The following EIF2AK4 variants were observed in gnomAD, a reference collection of about 807,000 sequenced individuals.
EIF2AK4 encodes eukaryotic translation initiation factor 2 alpha kinase 4.
EIF2AK4 carries 139 observed loss-of-function variants against 211.1 expected under a neutral mutation model. The ratio of observed to expected loss-of-function variants is 0.66; its 90% CI spans 0.57 to 0.76. The LOEUF is 0.76. Ranked by LOEUF, EIF2AK4 falls within the 30% of genes least tolerant of loss-of-function variation. The probability of loss-of-function intolerance (pLI) is 0.00; values close to 1 mark genes in which losing one functional copy is unlikely to be tolerated. For synonymous variants in EIF2AK4, 710 were observed against 751.3 expected, an observed-to-expected ratio of 0.94 and a Z score of 0.90; for missense variants, 1,664 against 2,043.8, an observed-to-expected ratio of 0.81 and a Z score of 3.58.
At chr15:39,989,007 G>C (rs1482088582) in intron 15 of EIF2AK4, among the ~76,000 whole-genome samples, 1 of 151,974 alleles carries the variant, frequency 6.6e-6, no homozygotes, top group Non-Finnish European at 1.5e-5. Flanking sequence ...TCTGAAAAAA[G>C]AGAAAAAAAG....
chr15:39,993,504 T>G (rs1382534386), intron 18 of EIF2AK4, among the ~76,000 whole-genome samples: 2 of 152,086 alleles, frequency 1.3e-5, no homozygotes, highest in Admixed American at 1.3e-4. Flanking sequence ...CACACAGATT[T>G]GGGGGCTGAC....
intron 26 of EIF2AK4, among the ~76,000 whole-genome samples, chr15:40,010,076 G>A (rs746913078): frequency 6.6e-6 from 1 of 152,164 alleles, no homozygotes; most frequent in Non-Finnish European, 1.5e-5. Flanking sequence ...CTAAGTAATT[G>A]GTCCTGATAC....
At chr15:39,989,291 T>C (rs891841841) in intron 15 of EIF2AK4, among the ~76,000 whole-genome samples, 6 of 152,246 alleles carry the variant, frequency 3.9e-5, no homozygotes, top group Non-Finnish European at 7.3e-5. Flanking sequence ...TATAAATTCA[T>C]TATTTTTTTC....
At chr15:39,935,061 A>T (rs1466677573) in intron 1 of EIF2AK4, among the ~76,000 whole-genome samples, 1 of 152,190 alleles carries the variant, frequency 6.6e-6, no homozygotes, top group Non-Finnish European at 1.5e-5. Flanking sequence ...AAAAATTCGC[A>T]AAAAAACCTC....
At chr15:39,941,526 GTTTA>G (rs2034144629) in intron 2 of EIF2AK4, among the ~76,000 whole-genome samples, 1 of 151,570 alleles carries the variant, frequency 6.6e-6, no homozygotes, top group Non-Finnish European at 1.5e-5. Flanking sequence ...AATTCAAAGT[GTTTA>G]TTCTTGAAAA....
intron 11 of EIF2AK4, chr15:39,973,977 A>G: frequency 2.5e-6 from 1 of 396,296 alleles, no homozygotes; most frequent in Admixed American, 4.2e-5. Flanking sequence ...TGGAGCATTA[A>G]CATGAAACAC....
chr15:39,962,337 T>C (rs1055775983), intron 7 of EIF2AK4, among the ~76,000 whole-genome samples: 1 of 152,262 alleles, frequency 6.6e-6, no homozygotes, highest in African/African-American at 2.4e-5. Context: ...CTGTCATCAT[T>C]ATAATTATCC....
At position 40,029,389 on chromosome 15, in the gene EIF2AK4, T is replaced by C; in HGVS notation, c.4503-17T>C. On this transcript the variant is annotated splice_polypyrimidine_tract_variant and intron_variant, in intron 33 of 38. Coordinates refer to ENST00000263791, the MANE Select transcript of EIF2AK4 (RefSeq NM_001013703.4). The stretch of plus-strand genomic sequence containing the variant: ...TTATTGACTGTTCTTTAATTGTTTT[T>C]GTTTGCTTGTTTTTAGAGAAGCTTC... 1.2e-6 allele frequency: 2 copies of C among 1,612,094 alleles called. No individual in the cohort carries two copies. Among genetic ancestry groups the C allele is most frequent in the Non-Finnish European group, 1.7e-6 (2 of 1,179,766 alleles).
At chr15:40,031,555 GTC>G (rs2035543336) in intron 35 of EIF2AK4, among the ~76,000 whole-genome samples, 1 of 151,940 alleles carries the variant, frequency 6.6e-6, no homozygotes, top group South Asian at 2.1e-4. Flanking sequence ...TCATCTCTCT[GTC>G]TCTGTGTGCA....
In EIF2AK4 at chr15:40,017,178, T is replaced by C; in HGVS notation, c.4001T>C (p.Phe1334Ser). The change falls in exon 29 of 39, where the codon TTC (phenylalanine) becomes TCC (serine). Residue 1334 changes from phenylalanine (F) to serine (S), a missense_variant. Transcript: ENST00000263791. ...GGAATCATCTTCCAGTTTGTGGCTTTCATCAAACGAAGGCAAAGGGCTGTA... is the reference window on the plus strand; with the variant it reads ...GGAATCATCTTCCAGTTTGTGGCTTCCATCAAACGAAGGCAAAGGGCTGTA... ...HNGIIFQFVA[F>S]IKRRQRAVPE... The C allele has an allele frequency of 6.2e-7, 1 of 1,614,066 alleles. No homozygotes were observed.
At chr15:40,034,471 G>A (rs745767141) in intron 38 of EIF2AK4, 27 bp downstream of exon 38, 4 of 1,562,038 alleles carry the variant, frequency 2.6e-6, no homozygotes, top group South Asian at 2.2e-5. Context: ...GCATAGCAGG[G>A]TTCACATGGT....
At chr15:39,937,745 A>G (rs1012632729) in intron 1 of EIF2AK4, among the ~76,000 whole-genome samples, 3 of 151,956 alleles carry the variant, frequency 2.0e-5, no homozygotes, top group Non-Finnish European at 4.4e-5. Context: ...TCTTCGTTCC[A>G]TCAAAGTACG....
intron 7 of EIF2AK4, 60 bp downstream of exon 7, chr15:39,961,959 A>C: frequency 7.8e-7 from 1 of 1,285,210 alleles, no homozygotes; most frequent in Non-Finnish European, 1.1e-6. Context: ...ATCACAAAGG[A>C]ATGGGATGGA....
chr15:40,024,061 G>A (rs1157275500), intron 32 of EIF2AK4, among the ~76,000 whole-genome samples: 1 of 152,098 alleles, frequency 6.6e-6, no homozygotes, highest in African/African-American at 2.4e-5. Flanking sequence ...AAAATTTGAA[G>A]CTTTGTTATT....
rs1036694059 is a variant in EIF2AK4, at chr15:39,951,874, G to A, written c.514-2030G>A. ...CTGGAGTTATAGGTGGTGCAGCGGC[G>A]GCTGCAAACGCAATTCTCAAGTGCA... On this transcript the variant is annotated intron_variant, in intron 4 of 38. Transcript: ENST00000263791. Among the ~76,000 whole-genome samples, 5 of 152,256 alleles carry A rather than the reference G, an allele frequency of 3.3e-5. No homozygotes were observed. In the East Asian group the frequency reaches 5.8e-4, roughly 18 times the overall value.
intron 27 of EIF2AK4, among the ~76,000 whole-genome samples, chr15:40,013,503 G>A (rs576021653): frequency 2.6e-4 from 39 of 151,970 alleles, no homozygotes; most frequent in East Asian, 1.2e-3. Context: ...CAGAAGGCAC[G>A]GAGGAGCAAG....
intron 2 of EIF2AK4, among the ~76,000 whole-genome samples, chr15:39,940,249 G>C (rs922797990): frequency 2.0e-5 from 3 of 152,182 alleles, no homozygotes; most frequent in African/African-American, 7.2e-5. Context: ...AGAAAAACTA[G>C]TTAGAGCCAA....
At position 40,002,927 on chromosome 15, in the gene EIF2AK4, C is replaced by T. The variant is rs919375386; in HGVS notation, c.3235+139C>T. The T allele has an allele frequency of 4.5e-6, 5 of 1,107,370 alleles. No individual in the cohort carries two copies. In the African/African-American group the frequency reaches 7.9e-5, roughly 18 times the overall value. 68.6% of individuals were successfully genotyped at this position (1,107,370 alleles called of 1,614,324 possible). A position where few individuals can be genotyped will look rare whatever the true frequency, so the allele number is the denominator to read the frequency against. The stretch of plus-strand genomic sequence containing the variant: ...TAATTGACATCATATGGAATTTAAG[C>T]TTATTTTTGAAACTGATTTGAATAT... On this transcript the variant is annotated intron_variant, in intron 22 of 38. Coordinates refer to ENST00000263791, the MANE Select transcript of EIF2AK4 (RefSeq NM_001013703.4).
chr15:39,949,040 C>T, intron 3 of EIF2AK4, 76 bp from the exon 4 acceptor site: 1 of 1,565,580 alleles, frequency 6.4e-7, no homozygotes, highest in Non-Finnish European at 8.7e-7. Context: ...AGTTTGCTTT[C>T]CTGTTCTGTA....
Sources: allele counts gnomAD v4.1 joint callset (sites outside exome capture counted in the v4.1 genomes callset), GRCh38; gene constraint gnomAD v4.1.1; transcripts MANE v1.5; gene names NCBI Gene and HGNC (gene_info 2026-07-23, HGNC 2026-07-21).